Variants in RGS22 observed in about 807,000 individuals in gnomAD.
The protein encoded by RGS22 is regulator of G-protein signaling 22.
Under a neutral mutation model 172.9 loss-of-function variants are expected in RGS22, and 148 were observed. The observed-to-expected ratio is 0.86, with a 90% confidence interval of 0.75 to 0.98. RGS22 has a LOEUF of 0.98. Among genes scored for constraint, RGS22 ranks in the 50% least tolerant of loss-of-function variants. RGS22 has a pLI of 0.00. For synonymous variants in RGS22, 458 were observed against 480.2 expected (o/e 0.95, Z 0.60); for missense variants, 1,347 against 1,440.8 (o/e 0.93, Z 1.05).
In RGS22 at chr8:99,977,910, G is replaced by T; in HGVS notation, c.3519+7C>A. 6.4e-7 allele frequency: 1 copy of T among 1,557,504 alleles called. No individual in the cohort carries two copies. Among genetic ancestry groups the T allele is most frequent in the East Asian group, 2.4e-5 (1 of 42,008 alleles). On this transcript the variant is annotated splice_region_variant and intron_variant, in intron 23 of 27. Coordinates refer to ENST00000360863, the MANE Select transcript of RGS22 (RefSeq NM_015668.5). ...TCTGATAAAACCCAAAATGAGTCTTGTCTCACCTTTCCAGATTTTTCGTCT... is the reference window on the plus strand; with the variant it reads ...TCTGATAAAACCCAAAATGAGTCTTTTCTCACCTTTCCAGATTTTTCGTCT...
chr8:100,090,585 G>C (rs1304550907), intron 3 of RGS22, among the ~76,000 whole-genome samples: 2 of 152,140 alleles, frequency 1.3e-5, no homozygotes, highest in Non-Finnish European at 2.9e-5. Flanking sequence ...CACAGATAAT[G>C]ATAAGGTCTT....
intron 20 of RGS22, among the ~76,000 whole-genome samples, chr8:99,995,693 G>T (rs180860766): frequency 6.6e-6 from 1 of 152,336 alleles, no homozygotes; most frequent in East Asian, 1.9e-4. Flanking sequence ...CATTGTGGAA[G>T]ACAGTGTGGC....
intron 3 of RGS22, among the ~76,000 whole-genome samples, chr8:100,081,382 A>ATATATG (rs1038950560): frequency 3.4e-5 from 5 of 148,226 alleles, no homozygotes; most frequent in Non-Finnish European, 7.4e-5. Flanking sequence ...ATATATATAT[A>ATATATG]TTTAAATTTT....
At chr8:100,007,153 C>G (rs1020076399) in intron 15 of RGS22, among the ~76,000 whole-genome samples, 6 of 152,234 alleles carry the variant, frequency 3.9e-5, no homozygotes, top group African/African-American at 1.4e-4. Flanking sequence ...CAGTCACGAT[C>G]CAATAAGGTA....
At chr8:100,032,631 A>G (rs745433140) in intron 14 of RGS22, among the ~76,000 whole-genome samples, 3 of 152,204 alleles carry the variant, frequency 2.0e-5, no homozygotes, top group Non-Finnish European at 4.4e-5. Context: ...TAACAAAGAT[A>G]TTCAGGGCTT....
chr8:100,027,032 C>A (rs1818254816), intron 14 of RGS22, among the ~76,000 whole-genome samples: 1 of 152,128 alleles, frequency 6.6e-6, no homozygotes, highest in South Asian at 2.1e-4. Flanking sequence ...GAGTTCAAGA[C>A]AAGCCTGGGC....
intron 9 of RGS22, 89 bp downstream of exon 9, chr8:100,062,502 A>G (rs187531413): frequency 2.2e-4 from 179 of 815,486 alleles, no homozygotes; most frequent in Non-Finnish European, 3.2e-4. Context: ...TTATGTTTCC[A>G]TAAGTTATAT....
chr8:100,046,100 AT>A (rs1285268280), intron 11 of RGS22: 1 of 152,162 alleles, frequency 6.6e-6, no homozygotes, highest in African/African-American at 2.4e-5. Context: ...TTTAATAAAA[AT>A]TTAAAATAAA....
chr8:100,072,997 T>C (rs1811097514), intron 4 of RGS22, among the ~76,000 whole-genome samples: 1 of 152,170 alleles, frequency 6.6e-6, no homozygotes, highest in African/African-American at 2.4e-5. Context: ...GATTTTATCT[T>C]GAGGTTGTGA....
intron 1 of RGS22, 172 bp downstream of exon 1, chr8:100,105,725 G>T: frequency 5.2e-6 from 3 of 580,620 alleles, no homozygotes; most frequent in Non-Finnish European, 9.0e-6. Flanking sequence ...ATAAACCGGC[G>T]AGGACGTGAA....
chr8:99,997,187 C>T lies in RGS22; in HGVS notation c.2950-657G>A, dbSNP rs3133703. Among the ~76,000 whole-genome samples, 1,589 of 152,206 alleles carry T rather than the reference C, an allele frequency of 0.01. 55 individuals are homozygous for T. In the East Asian group the frequency reaches 0.11, roughly 10 times the overall value. On this transcript the variant is annotated intron_variant, in intron 19 of 27. Transcript: ENST00000360863. Reference sequence around the variant, plus strand: ...CAACTCTTAAGTGTGTGAGGTGGCCCAGCAGCACTTTAGAATCAATCCTCA... The same window carrying T: ...CAACTCTTAAGTGTGTGAGGTGGCCTAGCAGCACTTTAGAATCAATCCTCA...
In RGS22 at chr8:100,088,734, G is replaced by A. The variant is rs1168835175; in HGVS notation, c.117+4713C>T. Among the ~76,000 whole-genome samples the A allele has an allele frequency of 7.2e-5, 11 of 152,224 alleles. No individual in the cohort carries two copies. The East Asian group carries it at 1.9e-3, about 27-fold the overall frequency. ...CAATGTGTCCCAAGGGTATAATGGT[G>A]TAATGGAAAGAAATAGTGTAGGGGC... On this transcript the variant is annotated intron_variant, in intron 3 of 27. Coordinates refer to ENST00000360863, the MANE Select transcript of RGS22 (RefSeq NM_015668.5).
intron 10 of RGS22, among the ~76,000 whole-genome samples, chr8:100,048,147 A>C (rs937903238): frequency 6.6e-6 from 1 of 152,174 alleles, no homozygotes; most frequent in East Asian, 1.9e-4. Flanking sequence ...TAAATCCAGA[A>C]TATGAGATGC....
intron 2 of RGS22, among the ~76,000 whole-genome samples, chr8:100,098,715 CTCT>C (rs1168997454): frequency 4.0e-5 from 6 of 151,778 alleles, no homozygotes; most frequent in Non-Finnish European, 4.4e-5. Context: ...CCTTCTTCTT[CTCT>C]TCTATTCTCT....
At chr8:100,099,436 T>C (rs905334591) in intron 2 of RGS22, among the ~76,000 whole-genome samples, 5 of 152,200 alleles carry the variant, frequency 3.3e-5, no homozygotes, top group African/African-American at 1.2e-4. Context: ...GGCAAGCTTC[T>C]CTAAATCCCA....
intron 9 of RGS22, 84 bp from the exon 10 acceptor site, chr8:100,053,060 G>T: frequency 1.6e-6 from 2 of 1,228,990 alleles, no homozygotes; most frequent in Non-Finnish European, 1.2e-6. Flanking sequence ...TAATAGCTGT[G>T]CTCACAATTA....
At position 99,973,756 on chromosome 8, in the gene RGS22, C is replaced by T. The variant is rs182569196; in HGVS notation, c.3519+4161G>A. On this transcript the variant is annotated intron_variant, in intron 23 of 27. Transcript: ENST00000360863. ...TAGTGGCGGGCGCCTGTAATCCCAG[C>T]TACTTGGGAGGCTGCGGCAGGAGAA... is the stretch of plus-strand genomic sequence containing the variant. Among the ~76,000 whole-genome samples, 570 of 151,528 alleles carry T rather than the reference C, an allele frequency of 3.8e-3. 4 individuals are homozygous for T. Among genetic ancestry groups the T allele is most frequent in the African/African-American group, 0.013 (547 of 41,280 alleles).
chr8:99,968,583 C>CATACACCAATATCA (rs914579252), intron 23 of RGS22, among the ~76,000 whole-genome samples: 2 of 151,884 alleles, frequency 1.3e-5, no homozygotes, highest in Middle Eastern at 3.2e-3. Flanking sequence ...CTTCATGAAG[C>CATACACCAATATCA]ATACACCAAT....
intron 22 of RGS22, among the ~76,000 whole-genome samples, chr8:99,981,713 CT>C (rs977740995): frequency 4.4e-4 from 63 of 143,186 alleles, no homozygotes; most frequent in Non-Finnish European, 7.8e-4. Context: ...TTTTTATTTA[CT>C]TTTTTTTAGG....
Sources: allele counts gnomAD v4.1 joint callset (sites outside exome capture counted in the v4.1 genomes callset), GRCh38; gene constraint gnomAD v4.1.1; transcripts MANE v1.5; gene names NCBI Gene and HGNC (gene_info 2026-07-23, HGNC 2026-07-21).